Variants in WDR45 observed in about 807,000 individuals in gnomAD.
The protein encoded by WDR45 is WD repeat domain phosphoinositide-interacting protein 4.
Under a neutral mutation model 27.3 loss-of-function variants are expected in WDR45, and 2 were observed. That is an observed-to-expected ratio of 0.07 (90% CI 0.03 to 0.23). The LOEUF is 0.23. Among genes scored for constraint, WDR45 ranks in the 10% least tolerant of loss-of-function variants. The pLI, the probability that WDR45 is intolerant of heterozygous loss-of-function variation, is 1.00. For synonymous variants in WDR45, 99 were observed against 119.2 expected (o/e 0.83, Z 1.11); for missense variants, 175 against 311.9 (o/e 0.56, Z 3.31).
intron 2 of WDR45, among the ~76,000 whole-genome samples, chrX:49,096,719 C>G (rs1470775190): frequency 8.9e-6 from 1 of 112,727 alleles, no homozygotes; most frequent in Non-Finnish European, 1.9e-5. Context: ...GCTGGGATTA[C>G]AGGCATGAGC....
chrX:49,093,529 C>CTT (rs781832245), intron 2 of WDR45, among the ~76,000 whole-genome samples: 17 of 91,297 alleles, frequency 1.9e-4, no homozygotes, highest in African/African-American at 4.0e-4. Flanking sequence ...AATCAGCCTT[C>CTT]TTTTTTTTTT....
intron 2 of WDR45, among the ~76,000 whole-genome samples, chrX:49,086,923 G>C (rs2065088193): frequency 9.1e-6 from 1 of 109,878 alleles, no homozygotes; most frequent in Admixed American, 9.7e-5. Context: ...GACAGGGTCT[G>C]GATCCTCCTG....
chrX:49,081,480 A>T (rs183852766), upstream of WDR45, among the ~76,000 whole-genome samples: 12 of 103,214 alleles, frequency 1.2e-4, no homozygotes, highest in South Asian at 5.1e-3. Context: ...CAGTGAGCAG[A>T]GATCGCACCA....
intron 2 of WDR45, among the ~76,000 whole-genome samples, chrX:49,088,321 C>T (rs1451194794): frequency 1.8e-5 from 2 of 111,542 alleles, no homozygotes; most frequent in African/African-American, 6.5e-5. Flanking sequence ...GCAGGAGAAT[C>T]GCTTGAATCC....
At chrX:49,090,923 T>A (rs1257983295) in intron 2 of WDR45, among the ~76,000 whole-genome samples, 2 of 105,994 alleles carry the variant, frequency 1.9e-5, no homozygotes, top group African/African-American at 7.0e-5. Context: ...AACCTCTGCC[T>A]CCCAGGTTCA....
At chrX:49,079,562 G>C (rs782593335) in intron 1 of WDR45, 189 bp downstream of exon 1, 2 of 111,693 alleles carry the variant, frequency 1.8e-5, no homozygotes, top group South Asian at 7.5e-4. Flanking sequence ...CTCTGCCTTA[G>C]AGTTATTCTC....
chrX:49,077,734 C>T lies in WDR45; in HGVS notation c.144G>A (p.Val48=). 8.3e-7 allele frequency: 1 copy of T among 1,200,246 alleles called. No homozygotes were observed. The highest frequency in any genetic ancestry group is 1.1e-6 in the Non-Finnish European group (1 of 889,451). ...MEKGHLDHEQ[V]GSMGLVEMLH... ...GCATCTCCACCAAGCCCATGCTGCCCACCTGCTCGTGGTCTGGACAGGGAC... is the reference window on the plus strand; with the variant it reads ...GCATCTCCACCAAGCCCATGCTGCCTACCTGCTCGTGGTCTGGACAGGGAC... The change falls in exon 4 of 11, where the codon GTG becomes GTA. Residue 48 remains valine (V), a synonymous_variant. Transcript: ENST00000376372.
chrX:49,086,873 G>A (rs1179468803), intron 2 of WDR45, among the ~76,000 whole-genome samples: 2 of 109,033 alleles, frequency 1.8e-5, no homozygotes, highest in Non-Finnish European at 1.9e-5. Flanking sequence ...GATTACAGGC[G>A]TGAGCCACTG....
intron 2 of WDR45, among the ~76,000 whole-genome samples, chrX:49,087,234 G>T (rs1164395496): frequency 9.1e-6 from 1 of 110,331 alleles, no homozygotes. Context: ...GTGCATGCCT[G>T]TAATCCCAGC....
chrX:49,095,662 A>G lies in WDR45; in HGVS notation c.-18+4543T>C, dbSNP rs782761759. Among the ~76,000 whole-genome samples, 23 of 103,940 alleles carry G rather than the reference A, an allele frequency of 2.2e-4. No homozygotes were observed. In the East Asian group the frequency reaches 2.8e-3, roughly 13 times the overall value. The allele number at this position is 103,940 out of a possible 115,157, so 90.3% of individuals were successfully genotyped here. A position where few individuals can be genotyped will look rare whatever the true frequency, so the allele number is the denominator to read the frequency against. On this transcript the variant is annotated intron_variant, in intron 2 of 11. Transcript: ENST00000356463. ...TTTTTAGTAGAGACGGGGTTTCACC[A>G]TGTTAGCCAGGATGGTCTCGATCTC...
At chrX:49,083,606 G>C (rs2065076794), upstream of WDR45, among the ~76,000 whole-genome samples, 1 of 109,989 alleles carries the variant, frequency 9.1e-6, no homozygotes, top group African/African-American at 3.3e-5. Context: ...TATTTCCTTT[G>C]CTCAGATGCT....
chrX:49,094,127 G>A (rs1452324216), intron 2 of WDR45, among the ~76,000 whole-genome samples: 1 of 110,839 alleles, frequency 9.0e-6, no homozygotes, highest in African/African-American at 3.3e-5. Context: ...TTACCTCCCA[G>A]GCTCAGCATG....
chrX:49,075,291 G>T lies in WDR45; in HGVS notation c.828-10C>A. ...GCCCACGCGAGCCAGCCTGCAGGCA[G>T]CACTGGCTAAGCCCAGGTATGGTAA... On this transcript the variant is annotated splice_polypyrimidine_tract_variant and intron_variant, in intron 9 of 10. Coordinates refer to ENST00000376372, the MANE Select transcript of WDR45 (RefSeq NM_001029896.2). The T allele has an allele frequency of 8.3e-7, 1 of 1,211,057 alleles. No homozygotes were observed.
intron 2 of WDR45, among the ~76,000 whole-genome samples, chrX:49,092,658 T>G (rs902277644): frequency 9.8e-5 from 11 of 111,931 alleles, no homozygotes; most frequent in Non-Finnish European, 1.7e-4. Flanking sequence ...GTGTTTGCTT[T>G]TTATCACAGA....
upstream of WDR45, among the ~76,000 whole-genome samples, chrX:49,080,958 C>A (rs1218070806): frequency 2.1e-5 from 2 of 93,373 alleles, no homozygotes; most frequent in Non-Finnish European, 4.1e-5. Context: ...GTGCAATTAG[C>A]GCGATCTTGG....
At position 49,075,885 on chromosome X, in the gene WDR45, C is replaced by A; in HGVS notation, c.497G>T (p.Cys166Phe). 1 of 1,210,619 alleles carries A rather than the reference C, an allele frequency of 8.3e-7. No homozygotes were observed. The change falls in exon 7 of 11, where the codon TGT becomes TTT. Residue 166 changes from cysteine to phenylalanine, a missense_variant. Cys to Phe is a radical substitution (Grantham distance 205, BLOSUM62 -2). Transcript: ENST00000376372. ...GCTCACCACAAGTTGCAGACTCCCA[C>A]ACTTGTGTCCCGGGAACACTAGCAG... is the stretch of plus-strand genomic sequence containing the variant. Reference protein sequence around the residue: ...KQLLVFPGHKCGSLQLVDLAS... With the variant: ...KQLLVFPGHKFGSLQLVDLAS...
intron 2 of WDR45, among the ~76,000 whole-genome samples, chrX:49,098,315 CA>C (rs1368967445): frequency 1.9e-5 from 2 of 107,323 alleles, no homozygotes; most frequent in East Asian, 6.0e-4. Context: ...ACCAACATGG[CA>C]AAACCTGGTC....
At chrX:49,092,926 A>C (rs782011083) in intron 2 of WDR45, among the ~76,000 whole-genome samples, 3 of 111,467 alleles carry the variant, frequency 2.7e-5, no homozygotes, top group Non-Finnish European at 5.7e-5. Flanking sequence ...GTTTCTTTTC[A>C]CTTAGTATTA....
At chrX:49,093,632 T>C (rs2065115198) in intron 2 of WDR45, among the ~76,000 whole-genome samples, 1 of 107,000 alleles carries the variant, frequency 9.3e-6, no homozygotes, top group Non-Finnish European at 1.9e-5. Context: ...CTCGAACTCC[T>C]GGGCTCAGGC....
Sources: gnomAD v4.1 joint callset for allele counts (sites outside exome capture counted in the v4.1 genomes callset) on GRCh38, gnomAD v4.1.1 for gene constraint, MANE v1.5 for transcripts, NCBI Gene and HGNC (gene_info 2026-07-23, HGNC 2026-07-21) for gene names.